KCNK5: variants seen among roughly 807,000 people sequenced by gnomAD.
The protein encoded by KCNK5 is potassium channel subfamily K member 5.
In KCNK5, 18 loss-of-function variants were observed where a neutral mutation model predicts 32.9. The ratio of observed to expected loss-of-function variants is 0.55; its 90% confidence interval spans 0.38 to 0.81. KCNK5 has a LOEUF of 0.81. Ranked by LOEUF, KCNK5 falls within the 30% of genes least tolerant of loss-of-function variation. The pLI is 0.00. For missense variants in KCNK5, 507 were observed against 651.0 expected, an observed-to-expected ratio of 0.78 and a Z score of 2.41; for synonymous variants, 276 against 275.3, an observed-to-expected ratio of 1.00 and a Z score of -0.03.
At chr6:39,210,399 T>A (rs933771674) in intron 1 of KCNK5, among the ~76,000 whole-genome samples, 3 of 152,112 alleles carry the variant, frequency 2.0e-5, no homozygotes, top group African/African-American at 7.2e-5. Flanking sequence ...CTCGTCACCT[T>A]CACTCCCCCT....
Position 39,194,637 on chromosome 6 carries a change from G to A in KCNK5, c.422C>T (p.Ala141Val). 1 of 1,614,082 alleles carries A rather than the reference G, an allele frequency of 6.2e-7. No homozygotes were observed. Among genetic ancestry groups the A allele is most frequent in the South Asian group, 1.1e-5 (1 of 91,078 alleles). Residue 141 changes from alanine to valine, a missense_variant, in exon 3 of 5, where the codon GCC (alanine) becomes GTC (valine). Physicochemically the swap from Ala to Val is moderately conservative, Grantham distance 64. Around this residue, in one of 6 missense-constraint regions of KCNK5, gnomAD observed 143 missense variants for 219.1 expected, o/e 0.65. Transcript: ENST00000359534. The surrounding 1 kb of genome is among the most constrained non-coding windows in gnomAD (Gnocchi z 4.7). ...GGTAAGGAACTGCCCTAGTCTCTTG[G>A]CACGTCCCCCGAAGAACTTGCCCAG... ...SALGKFFGGR[A>V]KRLGQFLTKR...
At chr6:39,201,247 T>C (rs1309585801) in intron 1 of KCNK5, among the ~76,000 whole-genome samples, 1 of 144,490 alleles carries the variant, frequency 6.9e-6, no homozygotes, top group Non-Finnish European at 1.5e-5. Flanking sequence ...TCAATTCTTT[T>C]TTCTTCTTTT....
intron 1 of KCNK5, among the ~76,000 whole-genome samples, chr6:39,205,935 G>A (rs1032199053): frequency 5.3e-5 from 8 of 152,180 alleles, no homozygotes; most frequent in Admixed American, 5.2e-4. Context: ...ATAAGGGCCT[G>A]AGTTAGCATT....
intron 1 of KCNK5, among the ~76,000 whole-genome samples, chr6:39,206,701 G>A (rs151148817): frequency 9.9e-5 from 15 of 152,216 alleles, no homozygotes; most frequent in Non-Finnish European, 2.1e-4. Flanking sequence ...GAGGGCAGAG[G>A]GGAAAGGCCA....
At chr6:39,204,219 T>C (rs922573150) in intron 1 of KCNK5, among the ~76,000 whole-genome samples, 1 of 152,234 alleles carries the variant, frequency 6.6e-6, no homozygotes, top group African/African-American at 2.4e-5. Flanking sequence ...ATGGATCACA[T>C]TTGAGAAGAA....
chr6:39,202,827 T>A (rs1235697492), intron 1 of KCNK5, among the ~76,000 whole-genome samples: 1 of 152,050 alleles, frequency 6.6e-6, no homozygotes, highest in Non-Finnish European at 1.5e-5. Context: ...CCTGTGCTCA[T>A]GGAAAAGGTG....
Position 39,229,022 on chromosome 6 carries a change from G to A in KCNK5, c.90C>T (p.His30=), listed in dbSNP as rs201697540. 3 of 1,614,142 alleles carry A rather than the reference G, an allele frequency of 1.9e-6. No individual in the cohort carries two copies. The highest frequency in any genetic ancestry group is 3.3e-5 in the Admixed American group (2 of 60,022). ...AGTAGTTTTTCTTGGCCTCCTTCCA[G>A]TGTGGCTCCTCCAGCACTTCGAAGA... The part of the protein sequence containing the change: ...AAIFEVLEEP[H]WKEAKKNYYT... Residue 30 remains histidine, a synonymous_variant, in exon 1 of 5, where the codon CAC becomes CAT. Transcript: ENST00000359534.
chr6:39,194,746 C>T lies in KCNK5; in HGVS notation c.313G>A (p.Ala105Thr). The change falls in exon 3 of 5, where the codon GCT becomes ACT. Residue 105 changes from alanine (A) to threonine (T), a missense_variant. Physicochemically the swap from Ala to Thr is moderately conservative, Grantham distance 58. Coordinates refer to ENST00000359534, the MANE Select transcript of KCNK5 (RefSeq NM_003740.4). The surrounding 1 kb of genome is among the most constrained non-coding windows in gnomAD (Gnocchi z 4.7). ...AGGCGACCGGCGGGGGTCTTGGGAG[C>T]CACATTGCCATATCCTGAGGAAGGA... The part of the protein sequence containing the change: ...VITTIGYGNV[A>T]PKTPAGRLFC... 6.2e-7 allele frequency: 1 copy of T among 1,613,918 alleles called. No homozygotes were observed. The highest frequency in any genetic ancestry group is 1.3e-5 in the African/African-American group (1 of 75,014).
At chr6:39,227,979 G>GT (rs1279633945) in intron 1 of KCNK5, among the ~76,000 whole-genome samples, 1 of 152,134 alleles carries the variant, frequency 6.6e-6, no homozygotes, top group African/African-American at 2.4e-5. Context: ...TTCCACTGGG[G>GT]GAGCAGGCCA....
At chr6:39,224,287 T>C (rs562661455) in intron 1 of KCNK5, among the ~76,000 whole-genome samples, 16 of 152,296 alleles carry the variant, frequency 1.1e-4, no homozygotes, top group African/African-American at 3.6e-4. Flanking sequence ...AGAGCTATTG[T>C]GTTCCTTTTA....
rs1771001529 is a variant in KCNK5 at position 39,194,828 on chromosome 6, C to A, written c.299-68G>T. ...AAACCAGTGGGCCTTGCTTCCAACA[C>A]ACACACAGCCCGTTCTCTAAGATAA... On this transcript the variant is annotated intron_variant, in intron 2 of 4. Transcript: ENST00000359534. The surrounding 1 kb of genome is among the most constrained non-coding windows in gnomAD (Gnocchi z 4.7). The A allele has an allele frequency of 6.9e-6, 9 of 1,303,232 alleles. No homozygotes were observed. Among genetic ancestry groups the A allele is most frequent in the Non-Finnish European group, 8.8e-6 (8 of 906,292 alleles). 80.7% of individuals were successfully genotyped at this position (1,303,232 alleles called of 1,614,324 possible). A position where few individuals can be genotyped will look rare whatever the true frequency, so the allele number is the denominator to read the frequency against.
intron 1 of KCNK5, among the ~76,000 whole-genome samples, chr6:39,215,411 A>C (rs901368426): frequency 6.6e-6 from 1 of 152,144 alleles, no homozygotes; most frequent in Non-Finnish European, 1.5e-5. Context: ...CCGGGAGGTG[A>C]GAATTTTATT....
At chr6:39,196,787 C>A (rs1249291730) in intron 1 of KCNK5, among the ~76,000 whole-genome samples, 2 of 152,228 alleles carry the variant, frequency 1.3e-5, no homozygotes, top group Non-Finnish European at 2.9e-5. Context: ...TGACTCATAA[C>A]TGTGCTATCA....
chr6:39,192,307 A>AAAAAAAC (rs1770955562), intron 4 of KCNK5, among the ~76,000 whole-genome samples: 1 of 151,162 alleles, frequency 6.6e-6, no homozygotes, highest in Admixed American at 6.6e-5. Context: ...AAAAAAAAAA[A>AAAAAAAC]AGTCAAGACA....
chr6:39,192,283 CAAAAAAA>C (rs1226626372), intron 4 of KCNK5, among the ~76,000 whole-genome samples: 6 of 46,718 alleles, frequency 1.3e-4, no homozygotes, highest in South Asian at 1.3e-3. Flanking sequence ...GACTCCGTCT[CAAAAAAA>C]AAAAAAAAAA....
intron 1 of KCNK5, among the ~76,000 whole-genome samples, chr6:39,207,322 C>T (rs911761856): frequency 8.5e-5 from 13 of 152,214 alleles, no homozygotes; most frequent in African/African-American, 2.9e-4. Context: ...ATGAGCCCTA[C>T]AAGGAGAGAC....
intron 1 of KCNK5, among the ~76,000 whole-genome samples, chr6:39,208,357 G>A (rs1445789727): frequency 1.3e-5 from 2 of 152,016 alleles, no homozygotes; most frequent in East Asian, 1.9e-4. Context: ...CACCCAAACC[G>A]GGCCCCCAGG....
chr6:39,194,430 A>G lies in KCNK5; in HGVS notation c.466-93T>C, dbSNP rs2815098. 1,472,282 of 1,474,554 alleles carry G rather than the reference A, an allele frequency of 1. 735,033 individuals are homozygous for G. The highest frequency in any genetic ancestry group is 1 in the East Asian group (43,956 of 43,956). The allele number at this position is 1,474,554 out of a possible 1,614,324, so 91.3% of individuals were successfully genotyped here. A position where few individuals can be genotyped will look rare whatever the true frequency, so the allele number is the denominator to read the frequency against. The stretch of plus-strand genomic sequence containing the variant: ...GGGCCAGGGAGGCAGCTAGAGGAGA[A>G]GCTAGCTGGGTACCCAGCCTGACCC... On this transcript the variant is annotated intron_variant, in intron 3 of 4. Coordinates refer to ENST00000359534, the MANE Select transcript of KCNK5 (RefSeq NM_003740.4). The surrounding 1 kb of genome is among the most constrained non-coding windows in gnomAD (Gnocchi z 4.7).
intron 1 of KCNK5, among the ~76,000 whole-genome samples, chr6:39,216,773 C>G (rs1164074901): frequency 3.3e-5 from 5 of 152,162 alleles, no homozygotes; most frequent in African/African-American, 1.2e-4. Flanking sequence ...GCTACCACCT[C>G]CCAAAGTCCT....
Sources: gnomAD v4.1 joint callset for allele counts (sites outside exome capture counted in the v4.1 genomes callset) on GRCh38, gnomAD v4.1.1 for gene constraint, gnomAD v4.1.1 regional missense constraint, Gnocchi (gnomAD v3.1) non-coding constraint, MANE v1.5 for transcripts, NCBI Gene and HGNC (gene_info 2026-07-23, HGNC 2026-07-21) for gene names.